The following CCDC183 variants were observed in gnomAD, a reference collection of about 807,000 sequenced individuals.
CCDC183 encodes the protein coiled-coil domain containing 183, also known as coiled-coil domain-containing protein 183.
CCDC183 carries 63 observed loss-of-function variants against 65.2 expected under a neutral mutation model. That is an observed-to-expected ratio of 0.97 (90% CI 0.79 to 1.19). The LOEUF is 1.19. Among genes scored for constraint, CCDC183 ranks in the 50% most tolerant of loss-of-function variants. CCDC183 has a pLI of 0.00. For missense variants in CCDC183, 769 were observed against 689.3 expected (o/e 1.12, Z -1.30); for synonymous variants, 323 against 276.5 (o/e 1.17, Z -1.67).
rs746366677 is a variant in CCDC183 at position 136,806,650 on chromosome 9, G to A, written c.1256G>A (p.Gly419Asp). 10 of 1,613,510 alleles carry A rather than the reference G, an allele frequency of 6.2e-6. No individual in the cohort carries two copies. Among genetic ancestry groups the A allele is most frequent in the Non-Finnish European group, 8.5e-6 (10 of 1,180,034 alleles). Residue 419 changes from glycine to aspartate, a missense_variant, in exon 11 of 14, where the codon GGC (glycine) becomes GAC (aspartate). By Grantham distance (94) the Gly-to-Asp change is moderately conservative. Transcript: ENST00000338005. ...GACAACCTCTATGTCCGGCTGATGG[G>A]CATTAACTTGCCTGCGACCCAGGTA... Reference protein sequence around the residue: ...GIDNLYVRLMGINLPATQREV... With the variant: ...GIDNLYVRLMDINLPATQREV...
At chr9:136,800,597 C>A (rs531880795) in intron 5 of CCDC183, 104 bp downstream of exon 5, 2 of 785,704 alleles carry the variant, frequency 2.5e-6, no homozygotes, top group Non-Finnish European at 4.1e-6. Context: ...GGAGAGGGAG[C>A]TCTGCCTGAC....
Position 136,804,974 on chromosome 9 carries a change from G to A in CCDC183, c.847+158G>A. 1.5e-6 allele frequency: 1 copy of A among 660,458 alleles called. No individual in the cohort carries two copies. Among genetic ancestry groups the A allele is most frequent in the Non-Finnish European group, 2.6e-6 (1 of 385,886 alleles). The allele number at this position is 660,458 out of a possible 1,614,324, so 40.9% of individuals were successfully genotyped here. ...CCCTGCCTCTCCCTCCAGAGGCTGA[G>A]AGCCTGTAGCCAAATGTGGCCTCAG... On this transcript the variant is annotated intron_variant, in intron 8 of 13. Transcript: ENST00000338005. This position sits in a 1 kb window ranked among gnomAD's most constrained non-coding sequence, Gnocchi z 4.1.
At chr9:136,796,722 T>C (rs766615356) in intron 1 of CCDC183, among the ~76,000 whole-genome samples, 13 of 152,368 alleles carry the variant, frequency 8.5e-5, no homozygotes, top group Non-Finnish European at 1.8e-4. Flanking sequence ...TTTAGGGCCG[T>C]GCAGGATGTG....
In CCDC183 at chr9:136,800,651, TA is replaced by T. The variant is rs1239934951; in HGVS notation, c.543+161del. On this transcript the variant is annotated intron_variant, in intron 5 of 13. Coordinates refer to ENST00000338005, the MANE Select transcript of CCDC183 (RefSeq NM_001039374.5). ...CCGAGGCATGTGGAAAACGTTTTTTTAAACTTCATTTTTGGCTATTCCAAAA... is the reference window on the plus strand; with the variant it reads ...CCGAGGCATGTGGAAAACGTTTTTTTAACTTCATTTTTGGCTATTCCAAAA... The T allele has an allele frequency of 2.1e-5, 13 of 604,764 alleles. No individual in the cohort carries two copies. In the East Asian group the frequency reaches 3.4e-4, roughly 16 times the overall value. 37.5% of individuals were successfully genotyped at this position (604,764 alleles called of 1,614,324 possible). A position where few individuals can be genotyped will look rare whatever the true frequency, so the allele number is the denominator to read the frequency against.
chr9:136,806,263 G>C, intron 10 of CCDC183, 25 bp downstream of exon 10: 1 of 1,576,944 alleles, frequency 6.3e-7, no homozygotes, highest in Non-Finnish European at 8.6e-7. Flanking sequence ...CGGGGCTGCG[G>C]GCCACCCACC....
In CCDC183 at chr9:136,796,378, T is replaced by G. The variant is rs1588328064; in HGVS notation, c.-20T>G. ...AGGCTTTGAGGTACACAGGGTCCCT[T>G]GGGGGGCCTGAGAGCAGCCATGAGG... On this transcript the variant is annotated 5_prime_UTR_variant, in exon 1 of 14. Coordinates refer to ENST00000338005, the MANE Select transcript of CCDC183 (RefSeq NM_001039374.5). 1 of 1,556,084 alleles carries G rather than the reference T, an allele frequency of 6.4e-7. No homozygotes were observed.
intron 1 of CCDC183, among the ~76,000 whole-genome samples, chr9:136,798,693 C>T (rs565884584): frequency 6.6e-6 from 1 of 152,240 alleles, no homozygotes; most frequent in South Asian, 2.1e-4. Context: ...GAGAAGGGAT[C>T]AAAGGGACCT....
Position 136,804,273 on chromosome 9 carries a change from A to G in CCDC183, c.667-229A>G, listed in dbSNP as rs1334127037. 1 of 537,982 alleles carries G rather than the reference A, an allele frequency of 1.9e-6. No individual in the cohort carries two copies. The allele number at this position is 537,982 out of a possible 1,614,324, so 33.3% of individuals were successfully genotyped here. On this transcript the variant is annotated intron_variant, in intron 6 of 13. Transcript: ENST00000338005. This position sits in a 1 kb window ranked among gnomAD's most constrained non-coding sequence, Gnocchi z 4.1. ...GAGGCAGCTGGGGGCCAGCGGCTGGAGGGCAGCAGAGCGTCTGGGCTGGCA... is the reference window on the plus strand; with the variant it reads ...GAGGCAGCTGGGGGCCAGCGGCTGGGGGGCAGCAGAGCGTCTGGGCTGGCA...
At chr9:136,803,582 G>A (rs1438906533) in intron 6 of CCDC183, among the ~76,000 whole-genome samples, 3 of 152,216 alleles carry the variant, frequency 2.0e-5, no homozygotes, top group Admixed American at 2.0e-4. Context: ...CCTGAAGTGG[G>A]TGGCACTCAT....
intron 6 of CCDC183, 70 bp downstream of exon 6, chr9:136,802,856 T>C (rs2131133027): frequency 1.9e-6 from 1 of 522,870 alleles, no homozygotes; most frequent in Non-Finnish European, 3.4e-6. Context: ...GGGGTCAAGG[T>C]GAGCTCAGGG....
intron 13 of CCDC183, 24 bp downstream of exon 13, chr9:136,807,090 C>T (rs763421816): frequency 1.9e-6 from 3 of 1,607,394 alleles, no homozygotes; most frequent in South Asian, 1.1e-5. Context: ...AACTGGGGCC[C>T]GGGCTGCAGG....
intron 13 of CCDC183, 166 bp from the exon 14 acceptor site, chr9:136,807,406 C>T: frequency 1.1e-6 from 1 of 890,114 alleles, no homozygotes; most frequent in Non-Finnish European, 1.7e-6. Flanking sequence ...GGCAGGGCAG[C>T]GTGAGCCGCT....
intron 5 of CCDC183, 75 bp downstream of exon 5, chr9:136,800,568 G>T: frequency 8.9e-7 from 1 of 1,122,244 alleles, no homozygotes; most frequent in Non-Finnish European, 1.3e-6. Flanking sequence ...CTGGGGCGGA[G>T]CCGCCCCGCA....
At chr9:136,807,471 G>A in intron 13 of CCDC183, 101 bp from the exon 14 acceptor site, 1 of 1,399,594 alleles carries the variant, frequency 7.1e-7, no homozygotes, top group South Asian at 1.5e-5. Flanking sequence ...CTGGGGCAAG[G>A]CACCTGGCCC....
rs373760902 is a variant in CCDC183, at chr9:136,799,772, C to T, written c.252C>T (p.His84=). 3 of 1,612,934 alleles carry T rather than the reference C, an allele frequency of 1.9e-6. No homozygotes were observed. The African/African-American group carries it at 4.0e-5, about 22-fold the overall frequency. The change falls in exon 3 of 14, where the codon CAC becomes CAT. Residue 84 remains histidine (H), a synonymous_variant. Coordinates refer to ENST00000338005, the MANE Select transcript of CCDC183 (RefSeq NM_001039374.5). The part of the protein sequence containing the change: ...CGKNLPLRLA[H]CRSTMEVVRE... ...AAAACTTGCCTTTGCGACTGGCGCA[C>T]TGCCGCAGCACCATGGAGGTAACCA...
intron 1 of CCDC183, 46 bp from the exon 2 acceptor site, chr9:136,799,056 C>T (rs775625662): frequency 1.2e-6 from 2 of 1,609,232 alleles, no homozygotes; most frequent in South Asian, 1.1e-5. Flanking sequence ...CCAGGCCAGG[C>T]CCTTGGCCCA....
chr9:136,807,438 C>T (rs1847880784), intron 13 of CCDC183, 134 bp from the exon 14 acceptor site: 1 of 1,178,020 alleles, frequency 8.5e-7, no homozygotes, highest in Non-Finnish European at 1.2e-6. Context: ...GGGCTGAGTC[C>T]TCCCGGCACG....
rs1358739159 is a variant in CCDC183 at position 136,799,843 on chromosome 9, C to A, written c.270+53C>A. ...CCAACCCTCCCCACCCCTGCCAGCA[C>A]CCCCCCACTAGATGTTGCGGAGCCG... is the stretch of plus-strand genomic sequence containing the variant. On this transcript the variant is annotated intron_variant, in intron 3 of 13. Transcript: ENST00000338005. 19 of 1,503,280 alleles carry A rather than the reference C, an allele frequency of 1.3e-5. No homozygotes were observed. The East Asian group carries it at 2.3e-4, about 18-fold the overall frequency. The allele number at this position is 1,503,280 out of a possible 1,614,324, so 93.1% of individuals were successfully genotyped here. A position where few individuals can be genotyped will look rare whatever the true frequency, so the allele number is the denominator to read the frequency against.
chr9:136,800,594 G>A (rs1486844958), intron 5 of CCDC183, 101 bp downstream of exon 5: 3 of 834,378 alleles, frequency 3.6e-6, no homozygotes, highest in Non-Finnish European at 5.7e-6. Flanking sequence ...CAGGGAGAGG[G>A]AGCTCTGCCT....
Sources: allele counts gnomAD v4.1 joint callset (sites outside exome capture counted in the v4.1 genomes callset), GRCh38; gene constraint gnomAD v4.1.1; non-coding constraint Gnocchi (gnomAD v3.1); transcripts MANE v1.5; gene names NCBI Gene and HGNC (gene_info 2026-07-23, HGNC 2026-07-21).